Variants in ALDH1A1 observed in about 807,000 individuals in gnomAD.
The protein encoded by ALDH1A1 is aldehyde dehydrogenase 1 family member A1, also known as aldehyde dehydrogenase 1A1.
A neutral mutation model predicts 62.1 loss-of-function variants in ALDH1A1; 19 were observed. The observed-to-expected ratio is 0.31, with a 90% CI of 0.21 to 0.45. The LOEUF (loss-of-function observed/expected upper bound fraction) is 0.45, where lower values mean the gene tolerates loss of function less well. ALDH1A1 is among the 20% of genes least tolerant of loss of function. The pLI is 1.00. For synonymous variants in ALDH1A1, 231 were observed against 215.9 expected (o/e 1.07, Z -0.61); for missense variants, 521 against 607.1 (o/e 0.86, Z 1.49).
At chr9:72,915,815 G>A (rs1830054939) in intron 9 of ALDH1A1, among the ~76,000 whole-genome samples, 1 of 152,136 alleles carries the variant, frequency 6.6e-6, no homozygotes, top group Admixed American at 6.5e-5. Flanking sequence ...GCATTGCCAG[G>A]TACCCATCTC....
In ALDH1A1 at chr9:72,905,257, G is replaced by A. The variant is rs117512004; in HGVS notation, c.1433+701C>T. Among the ~76,000 whole-genome samples the A allele has an allele frequency of 6.1e-4, 92 of 152,054 alleles. 2 individuals are homozygous for A. In the East Asian group the frequency reaches 0.016, roughly 26 times the overall value. ...AACTTGCCTAAACAAAATCAACTAA[G>A]CATATTGCCACTACTTTCTGTATTT... On this transcript the variant is annotated intron_variant, in intron 12 of 12. Coordinates refer to ENST00000297785, the MANE Select transcript of ALDH1A1 (RefSeq NM_000689.5).
At chr9:72,933,851 G>T (rs1279478972) in intron 2 of ALDH1A1, among the ~76,000 whole-genome samples, 1 of 152,136 alleles carries the variant, frequency 6.6e-6, no homozygotes, top group East Asian at 1.9e-4. Context: ...GGTGTGCAGT[G>T]GCACAAACAT....
chr9:72,917,476 TA>T (rs1197061938), intron 8 of ALDH1A1, among the ~76,000 whole-genome samples: 1 of 151,578 alleles, frequency 6.6e-6, no homozygotes, highest in African/African-American at 2.4e-5. Context: ...AAACAGATAA[TA>T]AAAAAAACCT....
intron 9 of ALDH1A1, 62 bp downstream of exon 9, chr9:72,916,858 G>A (rs1390070742): frequency 1.5e-6 from 2 of 1,370,174 alleles, no homozygotes; most frequent in Non-Finnish European, 2.0e-6. Flanking sequence ...TAAAATCTAG[G>A]TCTAAAGAGG....
intron 1 of ALDH1A1, among the ~76,000 whole-genome samples, chr9:72,950,478 A>G (rs1830531075): frequency 6.6e-6 from 1 of 151,894 alleles, no homozygotes; most frequent in South Asian, 2.1e-4. Flanking sequence ...ATAATTTTAG[A>G]AAGCATTTCT....
At chr9:72,904,698 G>A (rs1564620069) in intron 12 of ALDH1A1, among the ~76,000 whole-genome samples, 1 of 152,114 alleles carries the variant, frequency 6.6e-6, no homozygotes, top group African/African-American at 2.4e-5. Context: ...TCTGACAGAT[G>A]AAAATAGTGA....
At chr9:72,905,916 T>C (rs1829872366) in intron 12 of ALDH1A1, 42 bp downstream of exon 12, 1 of 1,475,920 alleles carries the variant, frequency 6.8e-7, no homozygotes, top group Non-Finnish European at 9.2e-7. Context: ...AAAATCATTT[T>C]CATAAAAATA....
At chr9:72,906,070 A>C (rs1262556157) in intron 11 of ALDH1A1, 38 bp from the exon 12 acceptor site, 2 of 1,512,094 alleles carry the variant, frequency 1.3e-6, no homozygotes, top group African/African-American at 1.4e-5. Flanking sequence ...ACAATACTTA[A>C]GGTGTGAAAA....
intron 8 of ALDH1A1, among the ~76,000 whole-genome samples, chr9:72,917,996 A>G (rs184524565): frequency 1.1e-4 from 16 of 152,342 alleles, no homozygotes; most frequent in Admixed American, 5.2e-4. Flanking sequence ...AAATACTTCA[A>G]TTAAGATCAA....
At chr9:72,942,611 T>C (rs1038574033) in intron 1 of ALDH1A1, among the ~76,000 whole-genome samples, 5 of 152,272 alleles carry the variant, frequency 3.3e-5, no homozygotes, top group African/African-American at 1.2e-4. Context: ...TCAGACTGCT[T>C]AACATGGCAC....
At position 72,918,833 on chromosome 9, in the gene ALDH1A1, G is replaced by A; in HGVS notation, c.748-11C>T. On this transcript the variant is annotated splice_polypyrimidine_tract_variant and intron_variant, in intron 7 of 12. Coordinates refer to ENST00000297785, the MANE Select transcript of ALDH1A1 (RefSeq NM_000689.5). ...GATCAACTTGCCAACCTGAAAGGGA[G>A]CATTACAAAGGAGGAGGCTTACCCT... is the stretch of plus-strand genomic sequence containing the variant. 2 of 1,604,912 alleles carry A rather than the reference G, an allele frequency of 1.2e-6. No homozygotes were observed. Among genetic ancestry groups the A allele is most frequent in the South Asian group, 1.1e-5 (1 of 90,862 alleles).
At chr9:72,917,135 A>G in intron 8 of ALDH1A1, 31 bp from the exon 9 acceptor site, 1 of 1,371,152 alleles carries the variant, frequency 7.3e-7, no homozygotes, top group Non-Finnish European at 9.5e-7. Flanking sequence ...TTAAAGATAT[A>G]TTTTATAAAA....
chr9:72,949,058 C>G (rs1428861709), intron 1 of ALDH1A1, among the ~76,000 whole-genome samples: 4 of 151,728 alleles, frequency 2.6e-5, no homozygotes, highest in Admixed American at 1.3e-4. Flanking sequence ...TAAACAAAAC[C>G]AGAAATCTAG....
In ALDH1A1 at chr9:72,916,946, T is replaced by A; in HGVS notation, c.1009A>T (p.Thr337Ser). 5 of 1,612,288 alleles carry A rather than the reference T, an allele frequency of 3.1e-6. No homozygotes were observed. Among genetic ancestry groups the A allele is most frequent in the Non-Finnish European group, 4.2e-6 (5 of 1,179,062 alleles). The change falls in exon 9 of 13, where the codon ACC becomes TCC. Residue 337 changes from threonine to serine, a missense_variant. By Grantham distance (58) the Thr-to-Ser change is moderately conservative. Coordinates refer to ENST00000297785, the MANE Select transcript of ALDH1A1 (RefSeq NM_000689.5). The stretch of plus-strand genomic sequence containing the variant: ...TGAGGGCCTTGAGTGACTCCTGGGG[T>A]CAGAGGATTTCCAAGGATATACTTC... ...AKKYILGNPL[T>S]PGVTQGPQID...
intron 1 of ALDH1A1, among the ~76,000 whole-genome samples, chr9:72,942,999 G>C (rs1018300361): frequency 1.3e-5 from 2 of 151,962 alleles, no homozygotes; most frequent in African/African-American, 4.8e-5. Flanking sequence ...AAGATATTGC[G>C]ATACCTGCCG....
At chr9:72,931,118 C>T (rs1830276859) in intron 2 of ALDH1A1, 99 bp from the exon 3 acceptor site, 1 of 1,338,790 alleles carries the variant, frequency 7.5e-7, no homozygotes, top group Non-Finnish European at 1.0e-6. Flanking sequence ...GCCTCATAAG[C>T]AGGCACTGTG....
intron 1 of ALDH1A1, among the ~76,000 whole-genome samples, chr9:72,940,539 T>G (rs1327611042): frequency 6.6e-6 from 1 of 152,190 alleles, no homozygotes; most frequent in East Asian, 1.9e-4. Context: ...GAAATGGCCA[T>G]GAATTTGAGG....
intron 5 of ALDH1A1, among the ~76,000 whole-genome samples, chr9:72,926,156 T>A (rs747476343): frequency 5.9e-5 from 9 of 152,180 alleles, no homozygotes; most frequent in Non-Finnish European, 8.8e-5. Context: ...GATTTCATAA[T>A]CTGTGAGTGC....
In ALDH1A1 at chr9:72,915,808, T is replaced by C. The variant is rs561809373; in HGVS notation, c.1035+1112A>G. Among the ~76,000 whole-genome samples, 4 of 152,344 alleles carry C rather than the reference T, an allele frequency of 2.6e-5. No homozygotes were observed. The South Asian group carries it at 8.3e-4, about 32-fold the overall frequency. ...CAAGTCCTCTTTGTTCTTTTTGGCATTGCCAGGTACCCATCTCAAGTTTTA... is the reference window on the plus strand; with the variant it reads ...CAAGTCCTCTTTGTTCTTTTTGGCACTGCCAGGTACCCATCTCAAGTTTTA... On this transcript the variant is annotated intron_variant, in intron 9 of 12. Transcript: ENST00000297785.
Sources: gnomAD v4.1 joint callset for allele counts (sites outside exome capture counted in the v4.1 genomes callset) on GRCh38, gnomAD v4.1.1 for gene constraint, MANE v1.5 for transcripts, NCBI Gene and HGNC (gene_info 2026-07-23, HGNC 2026-07-21) for gene names.